The following SNX29 variants were observed in gnomAD, a reference collection of about 807,000 sequenced individuals.
SNX29 encodes the protein sorting nexin-29.
A neutral mutation model predicts 102.1 loss-of-function variants in SNX29; 78 were observed. That is an observed-to-expected ratio of 0.76 (90% CI 0.64 to 0.92). The LOEUF (loss-of-function observed/expected upper bound fraction) is 0.92, where lower values mean the gene tolerates loss of function less well. Among genes scored for constraint, SNX29 ranks in the 40% least tolerant of loss-of-function variants. SNX29 has a pLI of 0.00. For missense variants in SNX29, 1,280 were observed against 1,061.7 expected (o/e 1.21, Z -2.86); for synonymous variants, 580 against 414.5 (o/e 1.40, Z -4.85).
intron 20 of SNX29, among the ~76,000 whole-genome samples, chr16:12,552,869 C>A (rs185582974): frequency 1.3e-5 from 2 of 152,162 alleles, no homozygotes; most frequent in Non-Finnish European, 2.9e-5. Flanking sequence ...ATGGCAGGGC[C>A]TGGGGAGACA....
intron 1 of SNX29, among the ~76,000 whole-genome samples, chr16:11,992,257 G>T (rs562394995): frequency 6.6e-6 from 1 of 152,186 alleles, no homozygotes; most frequent in Admixed American, 6.6e-5. Context: ...TCATGCCACT[G>T]TACTTCAGCC....
intron 1 of SNX29, among the ~76,000 whole-genome samples, chr16:11,981,068 A>C (rs1387791610): frequency 6.6e-6 from 1 of 151,822 alleles, no homozygotes; most frequent in African/African-American, 2.4e-5. Flanking sequence ...CCCAGGTTCA[A>C]GTGATTCTCC....
chr16:12,104,873 T>C lies in SNX29; in HGVS notation c.1403-21760T>C, dbSNP rs1339790305. Among the ~76,000 whole-genome samples the C allele has an allele frequency of 3.3e-5, 5 of 152,242 alleles. No homozygotes were observed. The East Asian group carries it at 9.6e-4, about 29-fold the overall frequency. On this transcript the variant is annotated intron_variant, in intron 11 of 20. Transcript: ENST00000566228. ...CCAGACATAAGATCCAAAAGACAAA[T>C]TGTACTGAAGAAAGCGAACTGGAAA...
intron 19 of SNX29, among the ~76,000 whole-genome samples, chr16:12,488,770 G>A (rs2088384384): frequency 1.3e-5 from 2 of 152,168 alleles, no homozygotes; most frequent in South Asian, 2.1e-4. Flanking sequence ...TGAAGACTCT[G>A]CCTTAGTTGT....
intron 13 of SNX29, among the ~76,000 whole-genome samples, chr16:12,169,583 G>T (rs1344047577): frequency 6.6e-6 from 1 of 152,206 alleles, no homozygotes. Context: ...TTCATGGCCA[G>T]GCGTTGTGGC....
chr16:12,316,468 AGGAGGC>A (rs2080744062), intron 15 of SNX29, among the ~76,000 whole-genome samples: 1 of 152,158 alleles, frequency 6.6e-6, no homozygotes, highest in Non-Finnish European at 1.5e-5. Flanking sequence ...GCTTGAATCC[AGGAGGC>A]GGAGGTTGCA....
At chr16:12,307,955 C>A (rs566650357) in intron 15 of SNX29, among the ~76,000 whole-genome samples, 10 of 152,310 alleles carry the variant, frequency 6.6e-5, no homozygotes, top group African/African-American at 2.4e-4. Context: ...GAGTTGTCTT[C>A]AGGACAAACA....
At chr16:12,077,124 C>T (rs560192650) in intron 10 of SNX29, among the ~76,000 whole-genome samples, 40 of 152,136 alleles carry the variant, frequency 2.6e-4, no homozygotes, top group African/African-American at 8.4e-4. Context: ...AAAACAACAA[C>T]AAAAATTATC....
intron 20 of SNX29, among the ~76,000 whole-genome samples, chr16:12,544,392 T>C (rs1474995427): frequency 6.6e-6 from 1 of 152,086 alleles, no homozygotes; most frequent in Non-Finnish European, 1.5e-5. Context: ...CGTTGTGAGG[T>C]GGTTCTGCTA....
chr16:12,547,675 T>C (rs1567170264), intron 20 of SNX29, among the ~76,000 whole-genome samples: 1 of 152,056 alleles, frequency 6.6e-6, no homozygotes, highest in East Asian at 1.9e-4. Context: ...TCTCCTGTAA[T>C]AAAACCTGGC....
intron 13 of SNX29, among the ~76,000 whole-genome samples, chr16:12,182,620 T>A (rs1301136726): frequency 6.6e-6 from 1 of 152,132 alleles, no homozygotes; most frequent in Non-Finnish European, 1.5e-5. Flanking sequence ...TTCATCTGTT[T>A]ACCCTCAATG....
At chr16:12,526,174 T>A (rs8046262) in intron 20 of SNX29, among the ~76,000 whole-genome samples, 443 of 152,304 alleles carry the variant, frequency 2.9e-3, no homozygotes, top group African/African-American at 9.9e-3. Flanking sequence ...GCTGGGGTAA[T>A]ATAAGAGTTT....
chr16:12,458,821 G>A (rs979649828), intron 18 of SNX29, among the ~76,000 whole-genome samples: 1 of 152,204 alleles, frequency 6.6e-6, no homozygotes, highest in African/African-American at 2.4e-5. Flanking sequence ...CATTGGCCCA[G>A]AGTGAGCACT....
chr16:12,545,344 C>A (rs944495822), intron 20 of SNX29: 1 of 152,208 alleles, frequency 6.6e-6, no homozygotes, highest in Admixed American at 6.5e-5. Context: ...TCACATAGTT[C>A]CAAGTACATA....
At chr16:12,039,963 CTGT>C (rs976888168) in intron 4 of SNX29, among the ~76,000 whole-genome samples, 5 of 152,174 alleles carry the variant, frequency 3.3e-5, no homozygotes, top group Admixed American at 2.6e-4. Context: ...ATAGTAGTTG[CTGT>C]TGCTGCTGTT....
chr16:12,190,175 C>G (rs552410493), intron 13 of SNX29, among the ~76,000 whole-genome samples: 1 of 152,204 alleles, frequency 6.6e-6, no homozygotes, highest in East Asian at 1.9e-4. Flanking sequence ...CATCCTCTGA[C>G]CACATCTGGA....
chr16:12,005,683 CG>C, intron 3 of SNX29, among the ~76,000 whole-genome samples: 1 of 152,112 alleles, frequency 6.6e-6, no homozygotes. Context: ...TATTCTTACA[CG>C]GGTGGAGTAT....
At chr16:12,412,886 G>T (rs11640118) in intron 18 of SNX29, among the ~76,000 whole-genome samples, 5,362 of 152,270 alleles carry the variant, frequency 0.035, 158 homozygotes, top group South Asian at 0.064. Flanking sequence ...CAGAGTGGAG[G>T]AATTGGTGAC....
intron 9 of SNX29, among the ~76,000 whole-genome samples, chr16:12,068,558 A>AT (rs902361463): frequency 9.9e-5 from 15 of 151,708 alleles, no homozygotes; most frequent in African/African-American, 3.1e-4. Context: ...TTAAAAAAAA[A>AT]TTTTTAATGG....
Sources: gnomAD v4.1 joint callset for allele counts (sites outside exome capture counted in the v4.1 genomes callset) on GRCh38, gnomAD v4.1.1 for gene constraint, MANE v1.5 for transcripts, NCBI Gene and HGNC (gene_info 2026-07-23, HGNC 2026-07-21) for gene names.